HDLBP: variants seen among roughly 807,000 people sequenced by gnomAD.
The protein encoded by HDLBP is vigilin.
A neutral mutation model predicts 137.3 loss-of-function variants in HDLBP; 30 were observed. That is an observed-to-expected ratio of 0.22 (90% CI 0.16 to 0.30). HDLBP has a LOEUF of 0.30. HDLBP is among the 10% of genes least tolerant of loss of function. The pLI, the probability that HDLBP is intolerant of heterozygous loss-of-function variation, is 1.00. For synonymous variants in HDLBP, 606 were observed against 596.0 expected, an observed-to-expected ratio of 1.02 and a Z score of -0.24; for missense variants, 1,119 against 1,667.3, an observed-to-expected ratio of 0.67 and a Z score of 5.73.
At position 241,248,059 on chromosome 2, in the gene HDLBP, G is replaced by A. The variant is rs747154508; in HGVS notation, c.1675C>T (p.Pro559Ser). The A allele has an allele frequency of 6.2e-7, 1 of 1,614,102 alleles. No homozygotes were observed. Among genetic ancestry groups the A allele is most frequent in the African/African-American group, 1.3e-5 (1 of 75,014 alleles). ...GTGCATTTTTCCACCTCATTCTTAGGTCCTCTGAGCTGGACAATGTCACTT... is the reference window on the plus strand; with the variant it reads ...GTGCATTTTTCCACCTCATTCTTAGATCCTCTGAGCTGGACAATGTCACTT... ...QKSDIVQLRG[P>S]KNEVEKCTKY... The change falls in exon 14 of 28, where the codon CCT (proline) becomes TCT (serine). Residue 559 changes from proline (P) to serine (S), a missense_variant. By Grantham distance (74) the Pro-to-Ser change is moderately conservative (BLOSUM62 -1). Coordinates refer to ENST00000310931, the MANE Select transcript of HDLBP (RefSeq NM_005336.6).
At chr2:241,235,048 T>A in intron 23 of HDLBP, 73 bp downstream of exon 23, 5 of 1,562,088 alleles carry the variant, frequency 3.2e-6, no homozygotes, top group Non-Finnish European at 4.3e-6. Flanking sequence ...CTGAAGAACT[T>A]CCCTAGATTC....
rs1232322890 is a variant in HDLBP at position 241,268,506 on chromosome 2, G to A, written c.-67C>T. The A allele has an allele frequency of 2.0e-6, 2 of 985,880 alleles. No individual in the cohort carries two copies. Among genetic ancestry groups the A allele is most frequent in the Non-Finnish European group, 2.4e-6 (2 of 829,932 alleles). 61.1% of individuals were successfully genotyped at this position (985,880 alleles called of 1,614,324 possible). On this transcript the variant is annotated 5_prime_UTR_variant, in exon 2 of 28. In the 5' UTR this introduces an upstream ATG that the reference lacks. Transcript: ENST00000310931. ...AAAACGGTCAGTAGCCAGAAGGTCC[G>A]TCCTGAGGCCGCCTCTGTCAGCCTG...
chr2:241,235,181 G>C lies in HDLBP; in HGVS notation c.3084C>G (p.Asp1028Glu), dbSNP rs1205316129. The C allele has an allele frequency of 1.2e-6, 2 of 1,614,056 alleles. No individual in the cohort carries two copies. Among genetic ancestry groups the C allele is most frequent in the Non-Finnish European group, 1.7e-6 (2 of 1,180,050 alleles). ...GCTCCAGCAGTCCAGCCTTGGCCCG[G>C]TCCAAATTTGCAGCGAGGCCCGTGA... Reference protein sequence around the residue: ...IAITGLAANLDRAKAGLLERV... With the variant: ...IAITGLAANLERAKAGLLERV... Residue 1028 changes from aspartate to glutamate, a missense_variant, in exon 23 of 28, where the codon GAC (aspartate) becomes GAG (glutamate). By Grantham distance (45) the Asp-to-Glu change is conservative (BLOSUM62 2). Transcript: ENST00000310931.
chr2:241,260,886 T>C (rs1276449952), intron 5 of HDLBP, among the ~76,000 whole-genome samples: 1 of 152,032 alleles, frequency 6.6e-6, no homozygotes, highest in Non-Finnish European at 1.5e-5. Flanking sequence ...CACTAATCAA[T>C]GGCATTAAAA....
chr2:241,307,536 A>G (rs1459398644), intron 1 of HDLBP, among the ~76,000 whole-genome samples: 1 of 152,206 alleles, frequency 6.6e-6, no homozygotes, highest in Non-Finnish European at 1.5e-5. Flanking sequence ...AAGGAACTTG[A>G]TTTTTTAGCT....
intron 1 of HDLBP, chr2:241,273,015 A>G: frequency 1.0e-6 from 1 of 985,328 alleles, no homozygotes; most frequent in Non-Finnish European, 1.2e-6. Flanking sequence ...GGCGGTGCCG[A>G]GGAGTTGGGA....
Position 241,230,240 on chromosome 2 carries a change from G to C in HDLBP, c.3504C>G (p.Ala1168=). Residue 1168 remains alanine (A), a synonymous_variant, in exon 26 of 28, where the codon GCC becomes GCG. Transcript: ENST00000310931. The surrounding 1 kb of genome is among the most constrained non-coding windows in gnomAD (Gnocchi z 5.0). Reference sequence around the variant, plus strand: ...TCACAGTGACGCAGTTGGGGTCTGGGGCTCCGCTCTGTGGGAAGCGAATGT... The same window carrying C: ...TCACAGTGACGCAGTTGGGGTCTGGCGCTCCGCTCTGTGGGAAGCGAATGT... The part of the protein sequence containing the change: ...KVDIRFPQSG[A]PDPNCVTVTG... 1 of 1,606,912 alleles carries C rather than the reference G, an allele frequency of 6.2e-7. No homozygotes were observed. Among genetic ancestry groups the C allele is most frequent in the Non-Finnish European group, 8.5e-7 (1 of 1,174,242 alleles).
intron 20 of HDLBP, among the ~76,000 whole-genome samples, chr2:241,237,719 G>GA (rs1350392579): frequency 3.3e-5 from 4 of 122,444 alleles, no homozygotes; most frequent in Non-Finnish European, 5.2e-5. Flanking sequence ...ATGACATTCA[G>GA]AAAAAAAACG....
intron 5 of HDLBP, among the ~76,000 whole-genome samples, chr2:241,259,519 G>GATAGGCTCTC (rs1553644769): frequency 6.6e-6 from 1 of 151,792 alleles, no homozygotes; most frequent in African/African-American, 2.4e-5. Context: ...CCTTTTCTGG[G>GATAGGCTCTC]ACTCTGTCAC....
intron 1 of HDLBP, among the ~76,000 whole-genome samples, chr2:241,298,077 AAAAAAG>A (rs10531407): frequency 0.03 from 2,168 of 71,730 alleles, 444 homozygotes; most frequent in East Asian, 0.074. Flanking sequence ...AAAAAAAAAA[AAAAAAG>A]GGCCAGGCAT....
At chr2:241,261,313 A>G (rs1011497540) in intron 5 of HDLBP, among the ~76,000 whole-genome samples, 1 of 152,206 alleles carries the variant, frequency 6.6e-6, no homozygotes, top group African/African-American at 2.4e-5. Flanking sequence ...GAAAAGACCA[A>G]CTGAAAGAAA....
intron 11 of HDLBP, 127 bp downstream of exon 11, chr2:241,252,830 T>C: frequency 1.6e-6 from 1 of 622,076 alleles, no homozygotes; most frequent in Non-Finnish European, 2.9e-6. Context: ...ATGTAAAGTC[T>C]GTAACTCCCA....
At chr2:241,244,868 T>C (rs1198859650) in intron 16 of HDLBP, among the ~76,000 whole-genome samples, 2 of 152,242 alleles carry the variant, frequency 1.3e-5, no homozygotes, top group African/African-American at 4.8e-5. Context: ...TATAAAATCA[T>C]GACATCATGG....
chr2:241,232,886 G>A (rs940104130), intron 24 of HDLBP, among the ~76,000 whole-genome samples: 5 of 152,094 alleles, frequency 3.3e-5, no homozygotes, highest in South Asian at 4.1e-4. Context: ...GGAAGAGGAC[G>A]TGGGAGCTGG....
At chr2:241,241,382 A>G (rs2071199385) in intron 17 of HDLBP, among the ~76,000 whole-genome samples, 2 of 151,802 alleles carry the variant, frequency 1.3e-5, no homozygotes, top group South Asian at 4.2e-4. Context: ...CCTAGCTAAC[A>G]CTGTGAAACC....
Position 241,227,601 on chromosome 2 carries a change from G to C in HDLBP, c.*2000C>G, listed in dbSNP as rs1326396236. 2 of 152,646 alleles carry C rather than the reference G, an allele frequency of 1.3e-5. No homozygotes were observed. The highest frequency in any genetic ancestry group is 2.9e-5 in the Non-Finnish European group (2 of 68,060). 9.5% of individuals were successfully genotyped at this position (152,646 alleles called of 1,614,324 possible). ...GAAAAGAGAGCGCTGAACAGTTTAGGAAAGGGCTCGCGTCTAAGACATCAA... is the reference window on the plus strand; with the variant it reads ...GAAAAGAGAGCGCTGAACAGTTTAGCAAAGGGCTCGCGTCTAAGACATCAA... On this transcript the variant is annotated 3_prime_UTR_variant, in exon 28 of 28. Coordinates refer to ENST00000310931, the MANE Select transcript of HDLBP (RefSeq NM_005336.6).
chr2:241,314,655 C>CA (rs2075939099), intron 1 of HDLBP, among the ~76,000 whole-genome samples: 2 of 152,172 alleles, frequency 1.3e-5, no homozygotes, highest in African/African-American at 4.8e-5. Context: ...TACATGGCGT[C>CA]CAAACACCAT....
At position 241,233,714 on chromosome 2, in the gene HDLBP, C is replaced by G. The variant is rs2070068754; in HGVS notation, c.3288+106G>C. 7.9e-7 allele frequency: 1 copy of G among 1,267,802 alleles called. No individual in the cohort carries two copies. Among genetic ancestry groups the G allele is most frequent in the Admixed American group, 1.9e-5 (1 of 51,502 alleles). The allele number at this position is 1,267,802 out of a possible 1,614,324, so 78.5% of individuals were successfully genotyped here. On this transcript the variant is annotated intron_variant, in intron 24 of 27. Coordinates refer to ENST00000310931, the MANE Select transcript of HDLBP (RefSeq NM_005336.6). The surrounding 1 kb of genome is among the most constrained non-coding windows in gnomAD (Gnocchi z 4.3). ...GTCCTGAGAGACTTGCCACTCTCAA[C>G]TTGGCCCTCGAACCCCCATCTAGGC...
chr2:241,247,550 C>G (rs1292666773), intron 14 of HDLBP: 8 of 279,318 alleles, frequency 2.9e-5, no homozygotes, highest in Admixed American at 4.8e-5. Context: ...AAGGTGAAGC[C>G]CACGGAAATA....
Sources: allele counts gnomAD v4.1 joint callset (sites outside exome capture counted in the v4.1 genomes callset), GRCh38; gene constraint gnomAD v4.1.1; non-coding constraint Gnocchi (gnomAD v3.1); transcripts MANE v1.5; gene names NCBI Gene and HGNC (gene_info 2026-07-23, HGNC 2026-07-21).